The following PIGU variants were observed in gnomAD, a reference collection of about 807,000 sequenced individuals.
The protein encoded by PIGU is GPI-anchor transamidase component PIGU.
In PIGU, 24 loss-of-function variants were observed where a neutral mutation model predicts 49.9. The ratio of observed to expected loss-of-function variants is 0.48; its 90% CI spans 0.35 to 0.68. The LOEUF is 0.68. PIGU is among the 30% of genes least tolerant of loss of function. PIGU has a pLI of 0.01. For synonymous variants in PIGU, 220 were observed against 205.7 expected (o/e 1.07, Z -0.59); for missense variants, 490 against 532.6 (o/e 0.92, Z 0.79).
At chr20:34,598,396 G>C (rs6059937) in intron 7 of PIGU, among the ~76,000 whole-genome samples, 126,569 of 152,092 alleles carry the variant, frequency 0.83, 52,915 homozygotes, top group Admixed American at 0.91. Flanking sequence ...CCAAGTCAAG[G>C]AGGAGCTAAG....
chr20:34,669,815 T>C (rs182059971), intron 1 of PIGU, among the ~76,000 whole-genome samples: 1 of 152,182 alleles, frequency 6.6e-6, no homozygotes, highest in East Asian at 1.9e-4. Context: ...GGGAGATCTG[T>C]CTGGATTCTT....
intron 8 of PIGU, among the ~76,000 whole-genome samples, chr20:34,586,629 G>T (rs1600601856): frequency 6.6e-6 from 1 of 151,836 alleles, no homozygotes; most frequent in Admixed American, 6.6e-5. Flanking sequence ...AAAGCTTAGG[G>T]AGCAACCGAG....
rs758673824 is a variant in PIGU at position 34,588,438 on chromosome 20, G to T, written c.782+15C>A. The T allele has an allele frequency of 6.2e-7, 1 of 1,605,254 alleles. No individual in the cohort carries two copies. The highest frequency in any genetic ancestry group is 8.5e-7 in the Non-Finnish European group (1 of 1,175,656). On this transcript the variant is annotated intron_variant, in intron 8 of 11. Coordinates refer to ENST00000217446, the MANE Select transcript of PIGU (RefSeq NM_080476.5). The stretch of plus-strand genomic sequence containing the variant: ...CCCACAGCTTCTAGAATTTTCTAAC[G>T]TGGTCATTACTTACATAAAGCCATA...
chr20:34,657,348 C>T, intron 1 of PIGU, 104 bp from the exon 2 acceptor site: 1 of 749,978 alleles, frequency 1.3e-6, no homozygotes, highest in Admixed American at 2.6e-5. Context: ...TTATCTAACC[C>T]CCTTTACCTC....
intron 5 of PIGU, among the ~76,000 whole-genome samples, chr20:34,636,868 A>G (rs560540371): frequency 6.6e-6 from 1 of 152,320 alleles, no homozygotes; most frequent in South Asian, 2.1e-4. Context: ...TTTTTCAGCA[A>G]TTACAGACAG....
chr20:34,652,599 A>G (rs6120695), intron 2 of PIGU, among the ~76,000 whole-genome samples: 4,186 of 152,300 alleles, frequency 0.027, 213 homozygotes, highest in African/African-American at 0.096. Flanking sequence ...ATTTGGTGCT[A>G]TAAGTCTCTC....
chr20:34,581,805 C>G, intron 9 of PIGU, 133 bp from the exon 10 acceptor site: 1 of 1,217,562 alleles, frequency 8.2e-7, no homozygotes, highest in Non-Finnish European at 1.1e-6. Context: ...CTGCTATCCA[C>G]AAGGCATGGG....
Position 34,676,935 on chromosome 20 carries a change from T to C in PIGU, c.130+21A>G, listed in dbSNP as rs1402566371. On this transcript the variant is annotated intron_variant, in intron 1 of 11. Transcript: ENST00000217446. The stretch of plus-strand genomic sequence containing the variant: ...GGAGGGCAGGTGGGGCCTGACAGTC[T>C]GCTCGAGCCAGTGGCCTCACCTCTC... 8 of 1,560,412 alleles carry C rather than the reference T, an allele frequency of 5.1e-6. No individual in the cohort carries two copies. The African/African-American group carries it at 5.4e-5, about 11-fold the overall frequency.
At chr20:34,575,668 C>T (rs554454951) in intron 10 of PIGU, among the ~76,000 whole-genome samples, 73 of 152,188 alleles carry the variant, frequency 4.8e-4, no homozygotes, top group African/African-American at 1.0e-3. Flanking sequence ...TGAACCGTGA[C>T]GATTAGAGCC....
chr20:34,606,091 T>A (rs925315749), intron 7 of PIGU, among the ~76,000 whole-genome samples: 7 of 151,696 alleles, frequency 4.6e-5, no homozygotes, highest in Admixed American at 4.6e-4. Flanking sequence ...CCGTCTTTAC[T>A]AAAAATACAA....
chr20:34,626,667 T>C (rs913700924), intron 6 of PIGU, among the ~76,000 whole-genome samples: 3 of 152,186 alleles, frequency 2.0e-5, no homozygotes, highest in African/African-American at 7.2e-5. Flanking sequence ...AACTTCCATG[T>C]GGGAGAATAT....
chr20:34,615,071 T>TA (rs1984956591), intron 7 of PIGU, among the ~76,000 whole-genome samples: 2 of 152,230 alleles, frequency 1.3e-5, no homozygotes, highest in African/African-American at 4.8e-5. Context: ...AGCAATGTCA[T>TA]TCGCTGGTCC....
chr20:34,569,301 C>T (rs1413887595), intron 11 of PIGU, among the ~76,000 whole-genome samples: 1 of 152,180 alleles, frequency 6.6e-6, no homozygotes, highest in Non-Finnish European at 1.5e-5. Flanking sequence ...GTGATCTCGG[C>T]TCACTGCAAC....
At chr20:34,561,531 AAAC>A (rs1982509934) in intron 11 of PIGU, among the ~76,000 whole-genome samples, 1 of 151,956 alleles carries the variant, frequency 6.6e-6, no homozygotes, top group Non-Finnish European at 1.5e-5. Context: ...CTCATCTCCT[AAAC>A]AACAGCAAAG....
chr20:34,674,495 A>C (rs59745931), intron 1 of PIGU, among the ~76,000 whole-genome samples: 1,631 of 152,314 alleles, frequency 0.011, 39 homozygotes, highest in African/African-American at 0.037. Flanking sequence ...TCCATCCTGT[A>C]AGTAACCTCC....
chr20:34,640,420 C>T, intron 4 of PIGU, among the ~76,000 whole-genome samples: 1 of 151,704 alleles, frequency 6.6e-6, no homozygotes, highest in South Asian at 2.1e-4. Flanking sequence ...TTTAAAAATC[C>T]CTATTGCATC....
intron 1 of PIGU, among the ~76,000 whole-genome samples, chr20:34,666,164 C>T (rs1600672948): frequency 1.3e-5 from 2 of 151,550 alleles, no homozygotes; most frequent in East Asian, 1.9e-4. Context: ...CCAGCCCGGG[C>T]GATAGAACAA....
At chr20:34,674,623 GA>G (rs1047131258) in intron 1 of PIGU, among the ~76,000 whole-genome samples, 1 of 151,852 alleles carries the variant, frequency 6.6e-6, no homozygotes, top group Non-Finnish European at 1.5e-5. Flanking sequence ...ATCCTTCAAG[GA>G]GCTCATAATA....
chr20:34,654,472 ACT>A (rs1986646092), intron 2 of PIGU, among the ~76,000 whole-genome samples: 1 of 94,580 alleles, frequency 1.1e-5, no homozygotes, highest in Non-Finnish European at 2.1e-5. Context: ...AAAGAGCAAA[ACT>A]CTGTCTCAAA....
Sources: gnomAD v4.1 joint callset for allele counts (sites outside exome capture counted in the v4.1 genomes callset) on GRCh38, gnomAD v4.1.1 for gene constraint, MANE v1.5 for transcripts, NCBI Gene and HGNC (gene_info 2026-07-23, HGNC 2026-07-21) for gene names.